The following DNAH9 variants were observed in gnomAD, a reference collection of about 807,000 sequenced individuals.
The protein encoded by DNAH9 is dynein axonemal heavy chain 9.
Under a neutral mutation model 471.6 loss-of-function variants are expected in DNAH9, and 345 were observed. The ratio of observed to expected loss-of-function variants is 0.73; its 90% CI spans 0.67 to 0.80. The LOEUF (loss-of-function observed/expected upper bound fraction) is 0.80. DNAH9 is among the 30% of genes least tolerant of loss of function. DNAH9 has a pLI of 0.00. For missense variants in DNAH9, 5,407 were observed against 5,609.2 expected (o/e 0.96, Z 1.15); for synonymous variants, 2,093 against 2,123.6 (o/e 0.99, Z 0.40).
At chr17:11,819,620 T>C (rs894150219) in intron 45 of DNAH9, among the ~76,000 whole-genome samples, 2 of 152,196 alleles carry the variant, frequency 1.3e-5, no homozygotes, top group African/African-American at 2.4e-5. Flanking sequence ...GACCTTGTGA[T>C]CCGCCTGCCT....
chr17:11,811,479 C>T (rs1969898638), intron 45 of DNAH9, among the ~76,000 whole-genome samples: 1 of 152,112 alleles, frequency 6.6e-6, no homozygotes. Flanking sequence ...AATTACTTTA[C>T]AAACTCTCAT....
At position 11,694,863 on chromosome 17, in the gene DNAH9, TC is replaced by T. The variant is rs1422210115; in HGVS notation, c.4872+418del. Among the ~76,000 whole-genome samples, 32 of 10,224 alleles carry T rather than the reference TC, an allele frequency of 3.1e-3. 15 individuals carry two copies. Among genetic ancestry groups the T allele is most frequent in the East Asian group, 0.025 (18 of 720 alleles). 6.7% of individuals were successfully genotyped at this position (10,224 alleles called of 152,430 possible). Reference sequence around the variant, plus strand: ...TTCCTTCCTTCCTTCCTTCCTTCCTTCCTTCCTTCTTTCTTTCTTTCTTTCT... The same window carrying T: ...TTCCTTCCTTCCTTCCTTCCTTCCTTCTTCCTTCTTTCTTTCTTTCTTTCT... On this transcript the variant is annotated intron_variant, in intron 22 of 68. Transcript: ENST00000262442.
chr17:11,772,758 A>C (rs1968260487), intron 38 of DNAH9, among the ~76,000 whole-genome samples: 1 of 152,208 alleles, frequency 6.6e-6, no homozygotes, highest in Non-Finnish European at 1.5e-5. Context: ...TAGCACACTA[A>C]GGGATGGAGA....
intron 60 of DNAH9, among the ~76,000 whole-genome samples, chr17:11,904,628 C>G (rs1435047141): frequency 2.5e-5 from 1 of 40,566 alleles, no homozygotes; most frequent in South Asian, 1.4e-3. Context: ...GAGACTCCAT[C>G]TCAAAAAAAA....
At chr17:11,880,523 T>TA (rs1972678548) in intron 54 of DNAH9, among the ~76,000 whole-genome samples, 1 of 152,168 alleles carries the variant, frequency 6.6e-6, no homozygotes, top group Admixed American at 6.5e-5. Context: ...ACGAGCATCT[T>TA]ATACAAGCCA....
chr17:11,701,175 T>A lies in DNAH9; in HGVS notation c.5079T>A (p.His1693Gln). ...GTCACATGAAGGCCACTGTGAGGCATGAGATGACAGAAGGTGTAACTGCCT... is the reference window on the plus strand; with the variant it reads ...GTCACATGAAGGCCACTGTGAGGCAAGAGATGACAGAAGGTGTAACTGCCT... ...VLGHMKATVR[H>Q]EMTEGVTAYE... Residue 1693 changes from histidine to glutamine, a missense_variant, in exon 24 of 69, where the codon CAT becomes CAA. Around this residue, in one of 3 missense-constraint regions of DNAH9, gnomAD observed 4,636 missense variants for 4,900.3 expected, o/e 0.95. Coordinates refer to ENST00000262442, the MANE Select transcript of DNAH9 (RefSeq NM_001372.4). 4 of 1,599,434 alleles carry A rather than the reference T, an allele frequency of 2.5e-6. No homozygotes were observed. Among genetic ancestry groups the A allele is most frequent in the Admixed American group, 1.7e-5 (1 of 59,860 alleles).
chr17:11,927,672 G>A (rs1974377370), intron 62 of DNAH9, among the ~76,000 whole-genome samples: 1 of 152,168 alleles, frequency 6.6e-6, no homozygotes, highest in Non-Finnish European at 1.5e-5. Context: ...ATGAACTAGG[G>A]CTTCTCTTCT....
chr17:11,899,645 T>A (rs1973338325), intron 59 of DNAH9, among the ~76,000 whole-genome samples: 6 of 152,212 alleles, frequency 3.9e-5, no homozygotes. Flanking sequence ...CAGTGTAATT[T>A]GCTCAGTTTT....
chr17:11,643,669 T>TACGCTCTATGATCAAC lies in DNAH9; in HGVS notation c.1902-946_1902-931dup, dbSNP rs1224547128. Among the ~76,000 whole-genome samples the TACGCTCTATGATCAAC allele has an allele frequency of 3.1e-4, 47 of 152,296 alleles. 1 individual carries two copies. The South Asian group carries it at 8.5e-3, about 28-fold the overall frequency. ...ATGGTCTAGCTTAGCCTAGGAGCAATACGCTCTATGATCAACACGCTCTAT... is the reference window on the plus strand; with the variant it reads ...ATGGTCTAGCTTAGCCTAGGAGCAATACGCTCTATGATCAACACGCTCTATGATCAACACGCTCTAT... On this transcript the variant is annotated intron_variant, in intron 10 of 68. Transcript: ENST00000262442.
rs980814340 is a variant in DNAH9 at position 11,652,940 on chromosome 17, C to A, written c.2533C>A (p.Arg845=). The change falls in exon 14 of 69, where the codon CGA becomes AGA. Residue 845 remains arginine, a synonymous_variant. Coordinates refer to ENST00000262442, the MANE Select transcript of DNAH9 (RefSeq NM_001372.4). The stretch of plus-strand genomic sequence containing the variant: ...TCTTTCTCTGGATGATCGGCATGAT[C>A]GAATGGAAAAATATTACAATCTCAT... The part of the protein sequence containing the change: ...SLLSLDDRHD[R]MEKYYNLIKE... 1 of 1,613,796 alleles carries A rather than the reference C, an allele frequency of 6.2e-7. No individual in the cohort carries two copies. Among genetic ancestry groups the A allele is most frequent in the Admixed American group, 1.7e-5 (1 of 60,016 alleles).
At chr17:11,951,309 ATCT>A (rs1328353592) in intron 67 of DNAH9, among the ~76,000 whole-genome samples, 3 of 152,324 alleles carry the variant, frequency 2.0e-5, no homozygotes, top group Admixed American at 6.5e-5. Flanking sequence ...TTTTTGACAC[ATCT>A]TCTTAACCAC....
At chr17:11,783,900 G>A in intron 40 of DNAH9, 152 bp downstream of exon 40, 1 of 656,120 alleles carries the variant, frequency 1.5e-6, no homozygotes. Flanking sequence ...TAGGGGAAAA[G>A]AGAAACTCCT....
intron 2 of DNAH9, among the ~76,000 whole-genome samples, chr17:11,609,358 T>A (rs926066042): frequency 2.0e-5 from 3 of 152,216 alleles, no homozygotes; most frequent in Admixed American, 2.0e-4. Flanking sequence ...TCAAAATAAA[T>A]AAATTCAAAC....
intron 17 of DNAH9, among the ~76,000 whole-genome samples, chr17:11,676,755 G>A (rs1382948546): frequency 4.0e-5 from 6 of 151,580 alleles, no homozygotes; most frequent in South Asian, 4.2e-4. Flanking sequence ...TTTGGCTAAC[G>A]TTTGCTTGTT....
At chr17:11,734,397 G>A (rs1331120382) in intron 28 of DNAH9, among the ~76,000 whole-genome samples, 1 of 152,218 alleles carries the variant, frequency 6.6e-6, no homozygotes, top group African/African-American at 2.4e-5. Flanking sequence ...TGCGGAATAG[G>A]ACCAGTGTAT....
In DNAH9 at chr17:11,711,616, T is replaced by C. The variant is rs376872985; in HGVS notation, c.5552+6431T>C. ...TCTACCTTCATTTCCACTTTCTTTT[T>C]TTTAGCACTTCTGTTTCTTCTTTCA... On this transcript the variant is annotated intron_variant, in intron 26 of 68. Coordinates refer to ENST00000262442, the MANE Select transcript of DNAH9 (RefSeq NM_001372.4). Among the ~76,000 whole-genome samples, 31 of 152,026 alleles carry C rather than the reference T, an allele frequency of 2.0e-4. No individual in the cohort carries two copies. The East Asian group carries it at 3.1e-3, about 15-fold the overall frequency.
rs570423580 is a variant in DNAH9, at chr17:11,736,799, G to A, written c.5815-2081G>A. On this transcript the variant is annotated intron_variant, in intron 28 of 68. Transcript: ENST00000262442. The stretch of plus-strand genomic sequence containing the variant: ...GCTGAGCGTGAGGTTTCTGGGCTTC[G>A]GTGTTTCGAGAGAGAATGCTGAGTC... Among the ~76,000 whole-genome samples the A allele has an allele frequency of 8.5e-5, 13 of 152,302 alleles. No individual in the cohort carries two copies. In the East Asian group the frequency reaches 2.3e-3, roughly 27 times the overall value.
At chr17:11,639,525 C>T (rs1273231645) in intron 9 of DNAH9, among the ~76,000 whole-genome samples, 1 of 152,200 alleles carries the variant, frequency 6.6e-6, no homozygotes, top group Non-Finnish European at 1.5e-5. Context: ...GCTCCATAAT[C>T]CACATGACCT....
chr17:11,634,981 A>T (rs1262143949), intron 8 of DNAH9, among the ~76,000 whole-genome samples: 1 of 152,210 alleles, frequency 6.6e-6, no homozygotes, highest in Non-Finnish European at 1.5e-5. Flanking sequence ...GTCTTAGACA[A>T]ATGCAGACTG....
Sources: gnomAD v4.1 joint callset for allele counts (sites outside exome capture counted in the v4.1 genomes callset) on GRCh38, gnomAD v4.1.1 for gene constraint, gnomAD v4.1.1 regional missense constraint, MANE v1.5 for transcripts, NCBI Gene and HGNC (gene_info 2026-07-23, HGNC 2026-07-21) for gene names.